SLC26A4: variants seen among roughly 807,000 people sequenced by gnomAD.
SLC26A4 encodes the protein solute carrier family 26 member 4, also known as pendrin.
A neutral mutation model predicts 90.4 loss-of-function variants in SLC26A4; 93 were observed. The ratio of observed to expected loss-of-function variants is 1.03; its 90% confidence interval spans 0.87 to 1.22. The LOEUF (loss-of-function observed/expected upper bound fraction) is 1.22. Among genes scored for constraint, SLC26A4 ranks in the 50% most tolerant of loss-of-function variants. SLC26A4 has a pLI of 0.00. For missense variants in SLC26A4, 1,127 were observed against 946.2 expected (o/e 1.19, Z -2.51); for synonymous variants, 393 against 354.6 (o/e 1.11, Z -1.22).
intron 10 of SLC26A4, chr7:107,691,712 C>G: frequency 1.7e-6 from 1 of 580,078 alleles, no homozygotes; most frequent in Non-Finnish European, 2.2e-6. Flanking sequence ...AAGAATTGGC[C>G]TCTTCCAGTT....
chr7:107,697,529 A>G (rs113427562), intron 13 of SLC26A4, among the ~76,000 whole-genome samples: 45 of 152,332 alleles, frequency 3.0e-4, no homozygotes, highest in African/African-American at 1.0e-3. Flanking sequence ...TCTGGTTGAC[A>G]GGAAGGACTT....
rs936548048 is a variant in SLC26A4, at chr7:107,716,557, T to G, written c.*1111T>G. The G allele has an allele frequency of 3.3e-5, 5 of 152,092 alleles. No homozygotes were observed. Among genetic ancestry groups the G allele is most frequent in the Non-Finnish European group, 5.9e-5 (4 of 67,990 alleles). 9.4% of individuals were successfully genotyped at this position (152,092 alleles called of 1,614,324 possible). A position where few individuals can be genotyped will look rare whatever the true frequency, so the allele number is the denominator to read the frequency against. The stretch of plus-strand genomic sequence containing the variant: ...GAATGTACATACTGAAAAATACAGG[T>G]TTTTTTGACCAAAAGTTTTTATATC... On this transcript the variant is annotated 3_prime_UTR_variant, in exon 21 of 21. Coordinates refer to ENST00000644269, the MANE Select transcript of SLC26A4 (RefSeq NM_000441.2).
chr7:107,695,902 T>A (rs748042149), intron 12 of SLC26A4, 31 bp from the exon 13 acceptor site: 1 of 1,069,060 alleles, frequency 9.4e-7, no homozygotes, highest in Admixed American at 1.7e-5. Context: ...TACATTAATA[T>A]AATTCTTTTC....
rs750460691 is a variant in SLC26A4 at position 107,690,087 on chromosome 7, A to T, written c.1150-37A>T. 12 of 1,207,320 alleles carry T rather than the reference A, an allele frequency of 9.9e-6. No homozygotes were observed. In the South Asian group the frequency reaches 1.2e-4, roughly 12 times the overall value. 74.8% of individuals were successfully genotyped at this position (1,207,320 alleles called of 1,614,324 possible). On this transcript the variant is annotated intron_variant, in intron 9 of 20. Coordinates refer to ENST00000644269, the MANE Select transcript of SLC26A4 (RefSeq NM_000441.2). The stretch of plus-strand genomic sequence containing the variant: ...CTCAGCGAAGGTCTTGCAAAGATTC[A>T]ATTTGTAGGATCGTTGTCATCCAGT...
At chr7:107,668,878 C>A (rs2129310485) in intron 3 of SLC26A4, among the ~76,000 whole-genome samples, 1 of 152,246 alleles carries the variant, frequency 6.6e-6, no homozygotes. Context: ...TTATTAGCAC[C>A]TGCTTTGCCA....
intron 4 of SLC26A4, among the ~76,000 whole-genome samples, chr7:107,673,125 G>A (rs1790919858): frequency 6.6e-6 from 1 of 152,258 alleles, no homozygotes; most frequent in South Asian, 2.1e-4. Flanking sequence ...GAACATGGAA[G>A]CTGGTTTTTC....
In SLC26A4 at chr7:107,701,834, T is replaced by C; in HGVS notation, c.1811T>C (p.Ile604Thr). The C allele has an allele frequency of 6.3e-7, 1 of 1,597,060 alleles. No homozygotes were observed. Among genetic ancestry groups the C allele is most frequent in the Non-Finnish European group, 8.6e-7 (1 of 1,164,674 alleles). Residue 604 changes from isoleucine to threonine, a missense_variant, in exon 17 of 21, where the codon ATC becomes ACC. Transcript: ENST00000644269. Reference protein sequence around the residue: ...SGQLRATKNGIISDAVSTNNA... With the variant: ...SGQLRATKNGTISDAVSTNNA... ...AGTGTTTTCTTCGTTTAGAATGGCA[T>C]CATAAGTGATGCTGTTTCAACAAAT...
intron 8 of SLC26A4, 48 bp from the exon 9 acceptor site, chr7:107,689,005 G>C (rs781249015): frequency 6.2e-7 from 1 of 1,604,704 alleles, no homozygotes; most frequent in Non-Finnish European, 8.5e-7. Context: ...TGGGGAAAAA[G>C]GATGGTGGTC....
chr7:107,710,307 A>G lies in SLC26A4; in HGVS notation c.2235+108A>G, dbSNP rs547473629. The G allele has an allele frequency of 1.1e-5, 9 of 820,998 alleles. No homozygotes were observed. In the South Asian group the frequency reaches 1.1e-4, roughly 10 times the overall value. The allele number at this position is 820,998 out of a possible 1,614,324, so 50.9% of individuals were successfully genotyped here. On this transcript the variant is annotated intron_variant, in intron 19 of 20. Transcript: ENST00000644269. ...CTAGCTGTTGAATTTTAAGCTACCTATATAACTTCATGGAGCCTCAGTTTT... is the reference window on the plus strand; with the variant it reads ...CTAGCTGTTGAATTTTAAGCTACCTGTATAACTTCATGGAGCCTCAGTTTT...
chr7:107,687,553 G>C (rs1791453401), intron 8 of SLC26A4, among the ~76,000 whole-genome samples: 1 of 152,194 alleles, frequency 6.6e-6, no homozygotes, highest in East Asian at 1.9e-4. Context: ...AGGAAACTGG[G>C]ATGTGGTGGG....
At chr7:107,691,770 A>C (rs942025961) in intron 10 of SLC26A4, 1 of 1,032,828 alleles carries the variant, frequency 9.7e-7, no homozygotes, top group Non-Finnish European at 1.2e-6. Flanking sequence ...ATTTTTCTTA[A>C]TTTTTTATTT....
intron 2 of SLC26A4, among the ~76,000 whole-genome samples, chr7:107,663,028 T>C (rs1790604892): frequency 6.6e-6 from 1 of 152,150 alleles, no homozygotes; most frequent in Non-Finnish European, 1.5e-5. Context: ...TAGGTTTTTG[T>C]GTAGGAATAT....
intron 6 of SLC26A4, among the ~76,000 whole-genome samples, chr7:107,679,879 ATAATCTTATC>A (rs1584313065): frequency 8.7e-6 from 1 of 115,190 alleles, no homozygotes; most frequent in African/African-American, 4.2e-5. Context: ...CTTATATTAT[ATAATCTTATC>A]TTATATAATC....
rs1329548319 is a variant in SLC26A4 at position 107,712,641 on chromosome 7, G to A, written c.2319+19G>A. 1.6e-6 allele frequency: 2 copies of A among 1,288,022 alleles called. No homozygotes were observed. The highest frequency in any genetic ancestry group is 4.6e-5 in the East Asian group (2 of 43,414). 79.8% of individuals were successfully genotyped at this position (1,288,022 alleles called of 1,614,324 possible). A position where few individuals can be genotyped will look rare whatever the true frequency, so the allele number is the denominator to read the frequency against. On this transcript the variant is annotated intron_variant, in intron 20 of 20. Coordinates refer to ENST00000644269, the MANE Select transcript of SLC26A4 (RefSeq NM_000441.2). ...GGATGAGGTATGATCATTTTCTTCT[G>A]AAGAAAATATTTGAATTACATTTTG...
intron 3 of SLC26A4, among the ~76,000 whole-genome samples, chr7:107,668,809 C>T (rs1480270086): frequency 6.6e-6 from 1 of 152,150 alleles, no homozygotes; most frequent in Non-Finnish European, 1.5e-5. Context: ...GCTGCGTCCT[C>T]ACATGGTGGA....
chr7:107,690,186 C>T lies in SLC26A4; in HGVS notation c.1212C>T (p.Thr404=). The change falls in exon 10 of 21, where the codon ACC becomes ACT. Residue 404 remains threonine (T), a synonymous_variant. Transcript: ENST00000644269. ...GATTCTTCTCTTGTTTTGTGGCCAC[C>T]ACTGCTCTTTCCCGCACGGCCGTCC... The part of the protein sequence containing the change: ...FSGFFSCFVA[T]TALSRTAVQE... 1 of 1,613,548 alleles carries T rather than the reference C, an allele frequency of 6.2e-7. No homozygotes were observed. The highest frequency in any genetic ancestry group is 1.7e-4 in the Middle Eastern group (1 of 6,058).
At chr7:107,682,230 A>G (rs1469093820) in intron 6 of SLC26A4, among the ~76,000 whole-genome samples, 1 of 151,972 alleles carries the variant, frequency 6.6e-6, no homozygotes, top group Non-Finnish European at 1.5e-5. Context: ...CTAATGTTAA[A>G]TGACGAGTTA....
intron 14 of SLC26A4, among the ~76,000 whole-genome samples, chr7:107,698,876 T>C (rs551820125): frequency 1.6e-4 from 25 of 152,240 alleles, no homozygotes; most frequent in Non-Finnish European, 3.4e-4. Flanking sequence ...AAACATCCCA[T>C]TGATGGACTT....
chr7:107,677,462 A>T (rs1791057068), intron 6 of SLC26A4, among the ~76,000 whole-genome samples: 1 of 152,176 alleles, frequency 6.6e-6, no homozygotes, highest in Non-Finnish European at 1.5e-5. Flanking sequence ...ATTATCACAG[A>T]TGAATAGACC....
Sources: allele counts gnomAD v4.1 joint callset (sites outside exome capture counted in the v4.1 genomes callset), GRCh38; gene constraint gnomAD v4.1.1; transcripts MANE v1.5; gene names NCBI Gene and HGNC (gene_info 2026-07-23, HGNC 2026-07-21).